Variants in PTPRD observed in about 807,000 individuals in gnomAD.
The protein encoded by PTPRD is receptor-type tyrosine-protein phosphatase delta.
PTPRD carries 34 observed loss-of-function variants against 214.5 expected under a neutral mutation model. The observed-to-expected ratio is 0.16, with a 90% CI of 0.12 to 0.21. PTPRD has a LOEUF of 0.21. PTPRD is among the 10% of genes least tolerant of loss of function. The probability of loss-of-function intolerance (pLI) is 1.00; values close to 1 mark genes in which losing one functional copy is unlikely to be tolerated. For missense variants in PTPRD, 2,545 were observed against 2,398.7 expected, an observed-to-expected ratio of 1.06 and a Z score of -1.27; for synonymous variants, 1,128 against 845.7, an observed-to-expected ratio of 1.33 and a Z score of -5.79.
At chr9:10,465,845 G>A (rs1283411283) in intron 2 of PTPRD, among the ~76,000 whole-genome samples, 3 of 152,122 alleles carry the variant, frequency 2.0e-5, no homozygotes, top group Admixed American at 1.3e-4. Context: ...TGTCTTCATT[G>A]TTAAGCAGCG....
chr9:10,144,265 T>G (rs1264000909), intron 3 of PTPRD, among the ~76,000 whole-genome samples: 2 of 152,092 alleles, frequency 1.3e-5, no homozygotes, highest in Non-Finnish European at 2.9e-5. Flanking sequence ...TCTTTAATAC[T>G]CTTCTCTCCA....
In PTPRD at chr9:8,607,007, G is replaced by A. The variant is rs926423516; in HGVS notation, c.352+26310C>T. ...GGCTGGAGCAGACACATAAATCAATGGTAGAATGCTGACTACCTGGGGCTG... is the reference window on the plus strand; with the variant it reads ...GGCTGGAGCAGACACATAAATCAATAGTAGAATGCTGACTACCTGGGGCTG... On this transcript the variant is annotated intron_variant, in intron 14 of 45. Coordinates refer to ENST00000381196, the MANE Select transcript of PTPRD (RefSeq NM_002839.4). Among the ~76,000 whole-genome samples the A allele has an allele frequency of 2.6e-5, 4 of 152,278 alleles. No individual in the cohort carries two copies. In the South Asian group the frequency reaches 8.3e-4, roughly 32 times the overall value.
chr9:8,878,737 C>T (rs1053414397), intron 11 of PTPRD, among the ~76,000 whole-genome samples: 2 of 152,122 alleles, frequency 1.3e-5, no homozygotes, highest in African/African-American at 4.8e-5. Flanking sequence ...AGGTCTTGCC[C>T]TGCTGGTCTT....
intron 3 of PTPRD, among the ~76,000 whole-genome samples, chr9:10,290,201 C>G (rs2095489135): frequency 6.6e-6 from 1 of 151,950 alleles, no homozygotes; most frequent in Non-Finnish European, 1.5e-5. Flanking sequence ...CAGAAGGTAC[C>G]CAAAATACTG....
chr9:8,617,071 T>C (rs1026289586), intron 14 of PTPRD, among the ~76,000 whole-genome samples: 1 of 152,098 alleles, frequency 6.6e-6, no homozygotes, highest in Non-Finnish European at 1.5e-5. Flanking sequence ...TTACAAATCC[T>C]TTTTTTCCCA....
rs141299771 is a variant in PTPRD, at chr9:9,533,174, A to G, written c.-237+41558T>C. ...TGTGAGGGCTCCTTAAGGAGGGCATATGTTTTCTTCATTTCTTTAGCCCAA... is the reference window on the plus strand; with the variant it reads ...TGTGAGGGCTCCTTAAGGAGGGCATGTGTTTTCTTCATTTCTTTAGCCCAA... On this transcript the variant is annotated intron_variant, in intron 8 of 45. Transcript: ENST00000381196. Among the ~76,000 whole-genome samples, 3 of 152,238 alleles carry G rather than the reference A, an allele frequency of 2.0e-5. No homozygotes were observed. In the East Asian group the frequency reaches 5.8e-4, roughly 29 times the overall value.
intron 35 of PTPRD, among the ~76,000 whole-genome samples, chr9:8,422,851 C>T (rs1385606636): frequency 6.6e-6 from 1 of 152,170 alleles, no homozygotes; most frequent in Non-Finnish European, 1.5e-5. Flanking sequence ...CAATTAATTA[C>T]TGGTAGTGGG....
chr9:10,048,135 T>C (rs1303655111), intron 3 of PTPRD, among the ~76,000 whole-genome samples: 1 of 152,150 alleles, frequency 6.6e-6, no homozygotes, highest in Non-Finnish European at 1.5e-5. Flanking sequence ...TTTGCCACAT[T>C]TTTATTGCCT....
chr9:9,069,504 C>A (rs2099740617), intron 10 of PTPRD, among the ~76,000 whole-genome samples: 1 of 152,192 alleles, frequency 6.6e-6, no homozygotes, highest in African/African-American at 2.4e-5. Context: ...ATGTAGTGAG[C>A]ACAGACTCAA....
At chr9:10,350,908 T>C (rs1173280965) in intron 2 of PTPRD, among the ~76,000 whole-genome samples, 1 of 152,124 alleles carries the variant, frequency 6.6e-6, no homozygotes, top group Non-Finnish European at 1.5e-5. Flanking sequence ...GACATCGTAA[T>C]TCCTTAGAGT....
At chr9:8,888,467 A>G (rs1213212558) in intron 11 of PTPRD, among the ~76,000 whole-genome samples, 1 of 152,148 alleles carries the variant, frequency 6.6e-6, no homozygotes, top group Non-Finnish European at 1.5e-5. Context: ...CATGAAATAA[A>G]CTCCTCTAGT....
intron 2 of PTPRD, among the ~76,000 whole-genome samples, chr9:10,517,630 A>T (rs2050583829): frequency 6.6e-6 from 1 of 152,048 alleles, no homozygotes; most frequent in Non-Finnish European, 1.5e-5. Flanking sequence ...ATGTATCAAT[A>T]TCTATAGTTA....
chr9:10,545,631 C>T (rs1398454169), intron 2 of PTPRD, among the ~76,000 whole-genome samples: 1 of 151,926 alleles, frequency 6.6e-6, no homozygotes, highest in Non-Finnish European at 1.5e-5. Flanking sequence ...GCATATAGAC[C>T]AAGAGAAACT....
At chr9:8,607,004 A>G (rs1049505329) in intron 14 of PTPRD, among the ~76,000 whole-genome samples, 6 of 152,184 alleles carry the variant, frequency 3.9e-5, no homozygotes, top group African/African-American at 1.4e-4. Flanking sequence ...CACATAAATC[A>G]ATGGTAGAAT....
chr9:9,572,457 C>T (rs186378500), intron 8 of PTPRD, among the ~76,000 whole-genome samples: 1,732 of 150,940 alleles, frequency 0.011, 36 homozygotes, highest in African/African-American at 0.039. Flanking sequence ...GTGGCAAGTA[C>T]ACATTTGCAG....
Position 8,317,812 on chromosome 9 carries a change from C to G in PTPRD, c.*62G>C, listed in dbSNP as rs1034736185. 1 of 1,500,260 alleles carries G rather than the reference C, an allele frequency of 6.7e-7. No individual in the cohort carries two copies. Among genetic ancestry groups the G allele is most frequent in the South Asian group, 1.1e-5 (1 of 88,688 alleles). 92.9% of individuals were successfully genotyped at this position (1,500,260 alleles called of 1,614,324 possible). A position where few individuals can be genotyped will look rare whatever the true frequency, so the allele number is the denominator to read the frequency against. On this transcript the variant is annotated 3_prime_UTR_variant, in exon 46 of 46. Transcript: ENST00000381196. Reference sequence around the variant, plus strand: ...GACTTCTCAAGTGCCCTGTATGGCTCAGAAGAGACTCCATGGATATTGAAG... The same window carrying G: ...GACTTCTCAAGTGCCCTGTATGGCTGAGAAGAGACTCCATGGATATTGAAG...
At chr9:8,338,893 G>A (rs2132213261) in intron 43 of PTPRD, 29 bp downstream of exon 43, 1 of 1,523,212 alleles carries the variant, frequency 6.6e-7, no homozygotes, top group Non-Finnish European at 8.9e-7. Context: ...TCAGCTAATG[G>A]TTAAGAGTTG....
chr9:8,838,906 A>G (rs1043679588), intron 11 of PTPRD, among the ~76,000 whole-genome samples: 1 of 152,182 alleles, frequency 6.6e-6, no homozygotes, highest in Non-Finnish European at 1.5e-5. Flanking sequence ...AAAATGAATA[A>G]TAAGAGAGAA....
intron 2 of PTPRD, among the ~76,000 whole-genome samples, chr9:10,608,309 A>C (rs2080035042): frequency 6.6e-6 from 1 of 152,018 alleles, no homozygotes; most frequent in Admixed American, 6.6e-5. Context: ...ATAATTATAC[A>C]TGTAATATGC....
Sources: gnomAD v4.1 joint callset for allele counts (sites outside exome capture counted in the v4.1 genomes callset) on GRCh38, gnomAD v4.1.1 for gene constraint, MANE v1.5 for transcripts, NCBI Gene and HGNC (gene_info 2026-07-23, HGNC 2026-07-21) for gene names.